Variants in KCNQ3 observed in about 807,000 individuals in gnomAD.
KCNQ3 encodes potassium voltage-gated channel subfamily Q member 3.
Under a neutral mutation model 92.5 loss-of-function variants are expected in KCNQ3, and 30 were observed. The ratio of observed to expected loss-of-function variants is 0.32; its 90% CI spans 0.24 to 0.44. The LOEUF (loss-of-function observed/expected upper bound fraction) is 0.44, where lower values mean the gene tolerates loss of function less well. KCNQ3 is among the 20% of genes least tolerant of loss of function. KCNQ3 has a pLI of 1.00. For synonymous variants in KCNQ3, 450 were observed against 468.8 expected (o/e 0.96, Z 0.52); for missense variants, 913 against 1,140.3 (o/e 0.80, Z 2.87).
intron 9 of KCNQ3, among the ~76,000 whole-genome samples, chr8:132,154,571 T>C (rs1006192840): frequency 4.6e-5 from 7 of 152,186 alleles, no homozygotes; most frequent in Non-Finnish European, 8.8e-5. Flanking sequence ...GAATGATAGA[T>C]GCAGGAGGCT....
At chr8:132,252,003 T>C (rs1055348214) in intron 1 of KCNQ3, among the ~76,000 whole-genome samples, 4 of 152,248 alleles carry the variant, frequency 2.6e-5, no homozygotes, top group African/African-American at 7.2e-5. Context: ...GTAGAATCTT[T>C]GTGTTGGTGT....
chr8:132,240,916 T>C (rs959960547), intron 1 of KCNQ3, among the ~76,000 whole-genome samples: 1 of 150,216 alleles, frequency 6.7e-6, no homozygotes, highest in East Asian at 2.0e-4. Flanking sequence ...TGAGACAGAG[T>C]CTTGTTCTCT....
At chr8:132,473,425 G>C (rs1822336739) in intron 1 of KCNQ3, among the ~76,000 whole-genome samples, 1 of 152,164 alleles carries the variant, frequency 6.6e-6, no homozygotes, top group Non-Finnish European at 1.5e-5. Context: ...CAAATTCTGA[G>C]ATTTCTGCTA....
At chr8:132,231,901 T>C (rs893231464) in intron 1 of KCNQ3, among the ~76,000 whole-genome samples, 7 of 152,190 alleles carry the variant, frequency 4.6e-5, no homozygotes, top group South Asian at 2.1e-4. Flanking sequence ...TTGAGTATTC[T>C]TAGAAATGTG....
chr8:132,261,038 C>A (rs1028025700), intron 1 of KCNQ3, among the ~76,000 whole-genome samples: 1 of 152,166 alleles, frequency 6.6e-6, no homozygotes, highest in Non-Finnish European at 1.5e-5. Flanking sequence ...AAAGCATTTT[C>A]ATCACTCCAG....
intron 1 of KCNQ3, among the ~76,000 whole-genome samples, chr8:132,349,948 G>A (rs540543478): frequency 6.6e-5 from 10 of 152,338 alleles, no homozygotes; most frequent in East Asian, 5.8e-4. Flanking sequence ...TAGTAAGAGC[G>A]TAGCTGGAAT....
In KCNQ3 at chr8:132,480,633, C is replaced by A; in HGVS notation, c.-101G>T. The A allele has an allele frequency of 2.6e-6, 3 of 1,161,756 alleles. No individual in the cohort carries two copies. Among genetic ancestry groups the A allele is most frequent in the East Asian group, 7.8e-5 (1 of 12,752 alleles). The allele number at this position is 1,161,756 out of a possible 1,614,324, so 72.0% of individuals were successfully genotyped here. On this transcript the variant is annotated 5_prime_UTR_variant, in exon 1 of 15. Coordinates refer to ENST00000388996, the MANE Select transcript of KCNQ3 (RefSeq NM_004519.4). ...GAGGCGGCGGCGGCGGCTGCAAGCCCGGGAACTCCAATGCCATGATCCGCG... is the reference window on the plus strand; with the variant it reads ...GAGGCGGCGGCGGCGGCTGCAAGCCAGGGAACTCCAATGCCATGATCCGCG...
At chr8:132,280,434 AAGAG>A (rs1327184724) in intron 1 of KCNQ3, among the ~76,000 whole-genome samples, 1 of 152,160 alleles carries the variant, frequency 6.6e-6, no homozygotes, top group Non-Finnish European at 1.5e-5. Context: ...TGGCAGGAGA[AAGAG>A]AGAGATAGAG....
chr8:132,317,989 G>A (rs1817791124), intron 1 of KCNQ3, among the ~76,000 whole-genome samples: 1 of 152,208 alleles, frequency 6.6e-6, no homozygotes, highest in Non-Finnish European at 1.5e-5. Flanking sequence ...TCCTGGGTCT[G>A]CACAGCCAGT....
intron 1 of KCNQ3, among the ~76,000 whole-genome samples, chr8:132,255,422 TAAG>T (rs1328977953): frequency 6.6e-6 from 1 of 152,010 alleles, no homozygotes; most frequent in East Asian, 1.9e-4. Context: ...TTGGGGAAAA[TAAG>T]AAGTTAAGCA....
At chr8:132,186,905 T>TGC (rs1826973339) in intron 1 of KCNQ3, among the ~76,000 whole-genome samples, 1 of 109,478 alleles carries the variant, frequency 9.1e-6, no homozygotes, top group Non-Finnish European at 1.8e-5. Flanking sequence ...AACTGTGAGG[T>TGC]GCGTGTGTGT....
chr8:132,278,160 T>A (rs1816400041), intron 1 of KCNQ3: 1 of 985,300 alleles, frequency 1.0e-6, no homozygotes, highest in Non-Finnish European at 1.2e-6. Flanking sequence ...ACTCTGGAAA[T>A]TTACAACCCA....
intron 1 of KCNQ3, among the ~76,000 whole-genome samples, chr8:132,283,154 G>A (rs1816582996): frequency 6.7e-6 from 1 of 148,774 alleles, no homozygotes; most frequent in African/African-American, 2.6e-5. Context: ...TTCTTGTTGA[G>A]TATCTGCTCC....
chr8:132,421,533 G>A (rs1046852609), intron 1 of KCNQ3, among the ~76,000 whole-genome samples: 1 of 152,138 alleles, frequency 6.6e-6, no homozygotes, highest in African/African-American at 2.4e-5. Context: ...GCCTGACCTA[G>A]GGTGTGTGGG....
intron 1 of KCNQ3, among the ~76,000 whole-genome samples, chr8:132,216,369 C>T (rs1027824162): frequency 8.5e-5 from 13 of 152,188 alleles, no homozygotes; most frequent in Admixed American, 5.2e-4. Flanking sequence ...ATGCCACAGG[C>T]ACTAACAAGG....
intron 1 of KCNQ3, among the ~76,000 whole-genome samples, chr8:132,293,643 G>T (rs1418986199): frequency 6.6e-6 from 1 of 152,142 alleles, no homozygotes; most frequent in Admixed American, 6.5e-5. Flanking sequence ...ATTATGTGAT[G>T]CTGTCAGACT....
intron 4 of KCNQ3, among the ~76,000 whole-genome samples, chr8:132,178,560 G>A (rs1442144923): frequency 6.6e-6 from 1 of 152,094 alleles, no homozygotes; most frequent in African/African-American, 2.4e-5. Context: ...CATTGAGGAG[G>A]CTCATTAAAA....
chr8:132,152,973 T>C (rs547565546), intron 9 of KCNQ3, among the ~76,000 whole-genome samples: 2 of 152,334 alleles, frequency 1.3e-5, no homozygotes, highest in Admixed American at 1.3e-4. Flanking sequence ...CCCATCATGA[T>C]TTTTTTAAAC....
At position 132,188,540 on chromosome 8, in the gene KCNQ3, A is replaced by T. The variant is rs967248347; in HGVS notation, c.387-2359T>A. On this transcript the variant is annotated intron_variant, in intron 1 of 14. Coordinates refer to ENST00000388996, the MANE Select transcript of KCNQ3 (RefSeq NM_004519.4). ...TTCTGTGTAAAATGAATCCAATTAAATGTCCATATCCTCCATTATTCAGTG... is the reference window on the plus strand; with the variant it reads ...TTCTGTGTAAAATGAATCCAATTAATTGTCCATATCCTCCATTATTCAGTG... Among the ~76,000 whole-genome samples, 4 of 152,352 alleles carry T rather than the reference A, an allele frequency of 2.6e-5. No individual in the cohort carries two copies. In the South Asian group the frequency reaches 6.2e-4, roughly 24 times the overall value.
Sources: gnomAD v4.1 joint callset for allele counts (sites outside exome capture counted in the v4.1 genomes callset) on GRCh38, gnomAD v4.1.1 for gene constraint, MANE v1.5 for transcripts, NCBI Gene and HGNC (gene_info 2026-07-23, HGNC 2026-07-21) for gene names.